The following TENM2 variants were observed in gnomAD, a reference collection of about 807,000 sequenced individuals.
TENM2 encodes the protein teneurin-2.
Under a neutral mutation model 245.2 loss-of-function variants are expected in TENM2, and 52 were observed. The ratio of observed to expected loss-of-function variants is 0.21; its 90% CI spans 0.17 to 0.27. The LOEUF (loss-of-function observed/expected upper bound fraction) is 0.27. Ranked by LOEUF, TENM2 falls within the 10% of genes least tolerant of loss-of-function variation. The probability of loss-of-function intolerance (pLI) is 1.00; values close to 1 mark genes in which losing one functional copy is unlikely to be tolerated. For synonymous variants in TENM2, 1,363 were observed against 1,438.9 expected, an observed-to-expected ratio of 0.95 and a Z score of 1.19; for missense variants, 3,046 against 3,666.8, an observed-to-expected ratio of 0.83 and a Z score of 4.37.
chr5:167,543,695 AC>A (rs1322971174), intron 2 of TENM2, among the ~76,000 whole-genome samples: 1 of 152,182 alleles, frequency 6.6e-6, no homozygotes, highest in Non-Finnish European at 1.5e-5. Context: ...GGTCAGTTTG[AC>A]CATGTGCCCT....
the TENM2 span, among the ~76,000 whole-genome samples, chr5:167,097,453 G>A: frequency 3.9e-5 from 6 of 152,192 alleles, no homozygotes; most frequent in African/African-American, 1.4e-4. Flanking sequence ...CACCTGGAAT[G>A]TAATTACCAG....
chr5:167,335,553 TA>T (rs2127799846), intron 1 of TENM2, among the ~76,000 whole-genome samples: 1 of 152,248 alleles, frequency 6.6e-6, no homozygotes, highest in Non-Finnish European at 1.5e-5. Flanking sequence ...TACAAAAGAA[TA>T]AAGCCTAGTT....
At chr5:168,028,539 C>T (rs1275617491) in intron 5 of TENM2, among the ~76,000 whole-genome samples, 1 of 152,168 alleles carries the variant, frequency 6.6e-6, no homozygotes, top group Admixed American at 6.5e-5. Flanking sequence ...GCCTGGCTCA[C>T]ACCAGTTCCC....
chr5:167,547,743 T>G (rs1772662255), intron 2 of TENM2, among the ~76,000 whole-genome samples: 1 of 152,194 alleles, frequency 6.6e-6, no homozygotes, highest in African/African-American at 2.4e-5. Context: ...CCCTAAGAAC[T>G]GAAGATGTCA....
At chr5:167,679,098 T>C (rs1756530723) in intron 2 of TENM2, among the ~76,000 whole-genome samples, 1 of 152,146 alleles carries the variant, frequency 6.6e-6, no homozygotes, top group Admixed American at 6.6e-5. Context: ...GCATGAGTTA[T>C]GAGGTAGCTG....
In TENM2 at chr5:167,753,032, G is replaced by C. The variant is rs140974711; in HGVS notation, c.503-122954G>C. Among the ~76,000 whole-genome samples, 556 of 152,238 alleles carry C rather than the reference G, an allele frequency of 3.7e-3. 7 individuals are homozygous for C. The highest frequency in any genetic ancestry group is 0.013 in the African/African-American group (539 of 41,548). On this transcript the variant is annotated intron_variant, in intron 2 of 28. Transcript: ENST00000518659. ...TGAACGAGAATTTTGACTGTACCCC[G>C]TGGTTTCTACAATTAAAGAAATGGC... is the stretch of plus-strand genomic sequence containing the variant.
the TENM2 span, among the ~76,000 whole-genome samples, chr5:167,122,867 G>A: frequency 6.6e-6 from 1 of 152,274 alleles, no homozygotes; most frequent in African/African-American, 2.4e-5. Flanking sequence ...GGTGTGAGCT[G>A]TACCTGTAAT....
At chr5:167,116,361 C>A in the TENM2 span, 1 of 152,136 alleles carries the variant, frequency 6.6e-6, no homozygotes, top group Non-Finnish European at 1.5e-5. Context: ...AACCCATGTC[C>A]CACAGGAAGG....
chr5:168,203,492 A>G (rs1202606824), intron 17 of TENM2, among the ~76,000 whole-genome samples, 197 bp from the exon 20 acceptor site: 2 of 152,166 alleles, frequency 1.3e-5, no homozygotes. Flanking sequence ...TTCAAGGTTG[A>G]GTTCAGCTCA....
intron 2 of TENM2, among the ~76,000 whole-genome samples, chr5:167,556,807 G>A (rs1191339328): frequency 1.3e-5 from 2 of 152,124 alleles, no homozygotes; most frequent in Admixed American, 1.3e-4. Flanking sequence ...CCAATGCGGA[G>A]TGCAGCAAGT....
Position 167,622,504 on chromosome 5 carries a change from A to G in TENM2, c.502+247031A>G, listed in dbSNP as rs1019701473. On this transcript the variant is annotated intron_variant, in intron 2 of 28. Coordinates refer to ENST00000518659, the Ensembl canonical transcript of TENM2. ...CTCACTGATTCAAATTTTAGAAAGA[A>G]GAAAGAATACATAGAATATTAAATG... Among the ~76,000 whole-genome samples the G allele has an allele frequency of 3.3e-5, 5 of 152,176 alleles. No individual in the cohort carries two copies. In the East Asian group the frequency reaches 5.8e-4, roughly 18 times the overall value.
At position 168,079,502 on chromosome 5, in the gene TENM2, G is replaced by T. The variant is rs1032285412; in HGVS notation, c.1516-11072G>T. 2.6e-5 allele frequency among the ~76,000 whole-genome samples: 4 copies of T among 152,126 alleles called. No individual in the cohort carries two copies. In the South Asian group the frequency reaches 8.3e-4, roughly 32 times the overall value. ...AGTGGTGAGAGAGGGCATCCCTGTC[G>T]TGTGCCAGTTTTCAGAGGAATGCTT... On this transcript the variant is annotated intron_variant, in intron 7 of 28. Transcript: ENST00000518659.
chr5:167,955,823 C>G (rs530395443), intron 4 of TENM2, among the ~76,000 whole-genome samples: 1 of 152,176 alleles, frequency 6.6e-6, no homozygotes, highest in African/African-American at 2.4e-5. Flanking sequence ...TTCCATTGGT[C>G]TATATATCTG....
the TENM2 span, among the ~76,000 whole-genome samples, chr5:167,059,374 C>T: frequency 1.3e-5 from 2 of 152,126 alleles, no homozygotes; most frequent in East Asian, 3.9e-4. Context: ...CCTATTCACC[C>T]ATATAAACCT....
chr5:167,601,990 A>G (rs1776667082), intron 2 of TENM2, among the ~76,000 whole-genome samples: 1 of 150,556 alleles, frequency 6.6e-6, no homozygotes, highest in South Asian at 2.1e-4. Flanking sequence ...AGGGAGAGAG[A>G]AGAAAGGGGA....
the TENM2 span, among the ~76,000 whole-genome samples, chr5:167,073,928 G>A: frequency 1.3e-5 from 2 of 152,092 alleles, no homozygotes; most frequent in South Asian, 2.1e-4. Flanking sequence ...ATATTTCGAC[G>A]TCATCTGGCC....
chr5:167,145,610 G>A, the TENM2 span, among the ~76,000 whole-genome samples: 1 of 152,148 alleles, frequency 6.6e-6, no homozygotes, highest in Non-Finnish European at 1.5e-5. Context: ...GGGGAATTTA[G>A]GACATTCTCA....
At chr5:167,573,717 G>A (rs1200659751) in intron 2 of TENM2, among the ~76,000 whole-genome samples, 3 of 152,074 alleles carry the variant, frequency 2.0e-5, no homozygotes, top group African/African-American at 7.2e-5. Context: ...CGAGTTTTAG[G>A]CATGTATGCA....
At chr5:167,034,217 G>A in the TENM2 span, among the ~76,000 whole-genome samples, 37 of 152,090 alleles carry the variant, frequency 2.4e-4, no homozygotes, top group Non-Finnish European at 3.2e-4. Context: ...TGATAGATTC[G>A]CTTATACATG....
Sources: allele counts gnomAD v4.1 joint callset (sites outside exome capture counted in the v4.1 genomes callset), GRCh38; gene constraint gnomAD v4.1.1; transcripts MANE v1.5; gene names NCBI Gene and HGNC (gene_info 2026-07-23, HGNC 2026-07-21).